PRKG1: variants seen among roughly 807,000 people sequenced by gnomAD.
The protein encoded by PRKG1 is cGMP-dependent protein kinase 1.
PRKG1 carries 35 observed loss-of-function variants against 88.1 expected under a neutral mutation model. That is an observed-to-expected ratio of 0.40 (90% confidence interval 0.30 to 0.53). The LOEUF (loss-of-function observed/expected upper bound fraction) is 0.53. Ranked by LOEUF, PRKG1 falls within the 20% of genes least tolerant of loss-of-function variation. The pLI, the probability that PRKG1 is intolerant of heterozygous loss-of-function variation, is 0.59. For synonymous variants in PRKG1, 303 were observed against 292.5 expected (o/e 1.04, Z -0.37); for missense variants, 540 against 839.8 (o/e 0.64, Z 4.41).
intron 3 of PRKG1, among the ~76,000 whole-genome samples, chr10:51,685,945 GCCCTGAA>G (rs1407117327): frequency 6.6e-6 from 1 of 152,046 alleles, no homozygotes; most frequent in African/African-American, 2.4e-5. Context: ...CACAGTGCTG[GCCCTGAA>G]AGGAGATCAG....
intron 2 of PRKG1, among the ~76,000 whole-genome samples, chr10:51,352,012 A>G (rs1297858929): frequency 1.3e-5 from 2 of 152,106 alleles, no homozygotes; most frequent in Non-Finnish European, 1.5e-5. Flanking sequence ...TCCTTTCCCC[A>G]TTGCTTGTTT....
Position 52,280,813 on chromosome 10 carries a change from C to T in PRKG1, c.1428C>T (p.Thr476=), listed in dbSNP as rs374020671. 6.2e-7 allele frequency: 1 copy of T among 1,612,842 alleles called. No individual in the cohort carries two copies. The highest frequency in any genetic ancestry group is 1.7e-5 in the Admixed American group (1 of 59,862). Residue 476 remains threonine (T), a synonymous_variant, in exon 13 of 18, where the codon ACC becomes ACT. Coordinates refer to ENST00000373980, the MANE Select transcript of PRKG1 (RefSeq NM_006258.4). ...GAGGTTCGTTTGAAGATTCTACAACCAGATTTTACACAGCATGTGTGGTAG... is the reference window on the plus strand; with the variant it reads ...GAGGTTCGTTTGAAGATTCTACAACTAGATTTTACACAGCATGTGTGGTAG... ...RDRGSFEDST[T]RFYTACVVEA... is the part of the protein sequence containing the mutation.
At chr10:51,943,012 G>A (rs181145482) in intron 5 of PRKG1, among the ~76,000 whole-genome samples, 1,555 of 152,024 alleles carry the variant, frequency 0.01, 10 homozygotes, top group Non-Finnish European at 0.016. Context: ...AGCTTGATGG[G>A]GATGGCATTG....
intron 3 of PRKG1, among the ~76,000 whole-genome samples, chr10:51,540,607 A>G (rs970609980): frequency 6.6e-6 from 1 of 152,304 alleles, no homozygotes; most frequent in Non-Finnish European, 1.5e-5. Flanking sequence ...TGTCAGGGAA[A>G]TTTCACATTT....
chr10:51,469,029 T>C (rs948656352), intron 3 of PRKG1, among the ~76,000 whole-genome samples: 3 of 151,820 alleles, frequency 2.0e-5, no homozygotes, highest in Non-Finnish European at 3.0e-5. Context: ...AGCATAGGAC[T>C]CTTTTGATTG....
intron 2 of PRKG1, among the ~76,000 whole-genome samples, chr10:51,296,454 A>C (rs1840722540): frequency 6.6e-6 from 1 of 152,074 alleles, no homozygotes; most frequent in Non-Finnish European, 1.5e-5. Context: ...TAGGTTATCC[A>C]GTTTGTCAGC....
chr10:51,352,862 A>G (rs1159563593), intron 2 of PRKG1, among the ~76,000 whole-genome samples: 4 of 152,164 alleles, frequency 2.6e-5, no homozygotes, highest in East Asian at 1.9e-4. Context: ...TTCAAATTAT[A>G]TTACACAGCT....
At chr10:52,127,069 G>T (rs980616997) in intron 7 of PRKG1, among the ~76,000 whole-genome samples, 3 of 152,112 alleles carry the variant, frequency 2.0e-5, no homozygotes, top group Non-Finnish European at 4.4e-5. Context: ...CAGTGGTGCA[G>T]GGCAGAGATA....
At chr10:51,924,801 T>A (rs1044965375) in intron 5 of PRKG1, among the ~76,000 whole-genome samples, 5 of 151,910 alleles carry the variant, frequency 3.3e-5, no homozygotes, top group African/African-American at 1.2e-4. Flanking sequence ...CACCAAGTCT[T>A]TCTTCAGCCA....
chr10:52,042,035 T>C (rs1182220683), intron 5 of PRKG1, among the ~76,000 whole-genome samples: 3 of 152,030 alleles, frequency 2.0e-5, no homozygotes, highest in Non-Finnish European at 4.4e-5. Context: ...CTAAAAACTA[T>C]AAAGCACTGA....
intron 1 of PRKG1, among the ~76,000 whole-genome samples, chr10:51,123,922 G>A (rs549333583): frequency 1.3e-5 from 2 of 152,076 alleles, no homozygotes; most frequent in Admixed American, 6.6e-5. Context: ...TACTTTTAAC[G>A]GGCCAGACCT....
At chr10:51,707,455 CA>C (rs1483791728) in intron 3 of PRKG1, among the ~76,000 whole-genome samples, 1 of 152,190 alleles carries the variant, frequency 6.6e-6, no homozygotes, top group Non-Finnish European at 1.5e-5. Flanking sequence ...AGACAAGAAG[CA>C]GAGCTCCCTT....
At position 51,212,405 on chromosome 10, in the gene PRKG1, G is replaced by A. The variant is rs570578895; in HGVS notation, c.478+59075G>A. On this transcript the variant is annotated intron_variant, in intron 2 of 17. Transcript: ENST00000373980. ...CAATACCATTCAGGACATAAGCATGGGCAAGGACTTCATATCTAAAACACC... is the reference window on the plus strand; with the variant it reads ...CAATACCATTCAGGACATAAGCATGAGCAAGGACTTCATATCTAAAACACC... Among the ~76,000 whole-genome samples, 4 of 152,226 alleles carry A rather than the reference G, an allele frequency of 2.6e-5. No homozygotes were observed. The East Asian group carries it at 7.7e-4, about 29-fold the overall frequency.
At chr10:51,470,466 C>T (rs997639990) in intron 3 of PRKG1, among the ~76,000 whole-genome samples, 9 of 151,894 alleles carry the variant, frequency 5.9e-5, no homozygotes, top group Non-Finnish European at 8.8e-5. Context: ...CACCCACTTT[C>T]CTTCATGATT....
intron 2 of PRKG1, among the ~76,000 whole-genome samples, chr10:51,276,427 A>G (rs934246421): frequency 6.6e-6 from 1 of 152,282 alleles, no homozygotes; most frequent in East Asian, 1.9e-4. Context: ...ATAAACATAC[A>G]TGTGCATGTG....
At chr10:51,958,962 T>C (rs951570306) in intron 5 of PRKG1, among the ~76,000 whole-genome samples, 7 of 152,140 alleles carry the variant, frequency 4.6e-5, no homozygotes, top group Non-Finnish European at 1.0e-4. Flanking sequence ...CCAAATACTG[T>C]AGTCAGTGCT....
At chr10:51,272,868 T>C (rs1282958202) in intron 2 of PRKG1, among the ~76,000 whole-genome samples, 1 of 152,170 alleles carries the variant, frequency 6.6e-6, no homozygotes, top group East Asian at 1.9e-4. Context: ...CCAGAAGTCT[T>C]GGCTTTGCTC....
intron 3 of PRKG1, among the ~76,000 whole-genome samples, chr10:51,775,948 G>C (rs148821622): frequency 2.6e-5 from 4 of 151,926 alleles, no homozygotes; most frequent in African/African-American, 9.7e-5. Context: ...ATTTTCTCAC[G>C]TTCTGTTTCC....
At chr10:52,165,580 A>T (rs1267280118) in intron 9 of PRKG1, among the ~76,000 whole-genome samples, 1 of 152,124 alleles carries the variant, frequency 6.6e-6, no homozygotes. Context: ...TGTAAGCTTT[A>T]TTTGTTCAGG....
Sources: gnomAD v4.1 joint callset for allele counts (sites outside exome capture counted in the v4.1 genomes callset) on GRCh38, gnomAD v4.1.1 for gene constraint, MANE v1.5 for transcripts, NCBI Gene and HGNC (gene_info 2026-07-23, HGNC 2026-07-21) for gene names.